DNAH12: variants seen among roughly 807,000 people sequenced by gnomAD.
DNAH12 encodes the protein dynein axonemal heavy chain 12.
In DNAH12, 285 loss-of-function variants were observed where a neutral mutation model predicts 371.5. That is an observed-to-expected ratio of 0.77 (90% CI 0.70 to 0.85). The LOEUF (loss-of-function observed/expected upper bound fraction) is 0.85, where lower values mean the gene tolerates loss of function less well. Among genes scored for constraint, DNAH12 ranks in the 40% least tolerant of loss-of-function variants. DNAH12 has a pLI of 0.00. For missense variants in DNAH12, 3,611 were observed against 3,689.4 expected (o/e 0.98, Z 0.55); for synonymous variants, 1,200 against 1,213.0 (o/e 0.99, Z 0.22).
chr3:57,514,737 C>T (rs2068127223), intron 4 of DNAH12, among the ~76,000 whole-genome samples: 1 of 152,006 alleles, frequency 6.6e-6, no homozygotes, highest in African/African-American at 2.4e-5. Context: ...CAAATGAAAA[C>T]AAACAAACCA....
At chr3:57,513,898 T>C (rs967168255) in intron 4 of DNAH12, among the ~76,000 whole-genome samples, 3 of 152,306 alleles carry the variant, frequency 2.0e-5, no homozygotes, top group African/African-American at 7.2e-5. Flanking sequence ...AGACTACATA[T>C]TGAAGTCCCA....
chr3:57,459,918 T>C (rs1350387092), intron 19 of DNAH12, 132 bp from the exon 20 acceptor site: 1 of 784,114 alleles, frequency 1.3e-6, no homozygotes, highest in South Asian at 6.0e-5. Flanking sequence ...AGGTTACTTA[T>C]GTATGTCTCA....
Position 57,421,556 on chromosome 3 carries a change from A to G in DNAH12, c.5524T>C (p.Phe1842Leu), listed in dbSNP as rs1456317610. 6.4e-7 allele frequency: 1 copy of G among 1,551,642 alleles called. No individual in the cohort carries two copies. The highest frequency in any genetic ancestry group is 1.2e-5 in the South Asian group (1 of 84,066). Residue 1842 changes from phenylalanine to leucine, a missense_variant, in exon 36 of 74, where the codon TTT becomes CTT. Phe to Leu is a conservative substitution (Grantham distance 22). This residue lies in a region of DNAH12 where 2,266 missense variants were observed against 2,236.9 expected (regional missense o/e 1.01). Transcript: ENST00000495027. ...TCATAGACCAGGCCTTTTTCATCAA[A>G]TGGGCATTCCCATTTACCCACAGAA... ...PDSVGKWECP[F>L]DEKGLVYDYM...
Position 57,444,727 on chromosome 3 carries a change from A to G in DNAH12, c.4515T>C (p.Pro1505=). 2 of 1,550,244 alleles carry G rather than the reference A, an allele frequency of 1.3e-6. No individual in the cohort carries two copies. Among genetic ancestry groups the G allele is most frequent in the Non-Finnish European group, 1.7e-6 (2 of 1,146,404 alleles). Residue 1505 remains proline (P), a synonymous_variant, in exon 29 of 74, where the codon CCT becomes CCC. Coordinates refer to ENST00000495027, the MANE Select transcript of DNAH12 (RefSeq NM_001366028.2). ...AGTCAGCTTCAGGAAGTTTAATACCAGGAAATAAGTCACTAGTTATTCCAT... is the reference window on the plus strand; with the variant it reads ...AGTCAGCTTCAGGAAGTTTAATACCGGGAAATAAGTCACTAGTTATTCCAT... The part of the protein sequence containing the change: ...LFNGITSDLF[P]GIKLPEADYH...
intron 60 of DNAH12, among the ~76,000 whole-genome samples, chr3:57,336,038 G>A (rs1285100676): frequency 1.3e-5 from 2 of 152,144 alleles, no homozygotes; most frequent in African/African-American, 4.8e-5. Context: ...TGGAAGTGCA[G>A]TGGCACAATC....
chr3:57,488,937 A>AGTGTGTGTGT (rs34379970), intron 12 of DNAH12, among the ~76,000 whole-genome samples: 25 of 150,116 alleles, frequency 1.7e-4, no homozygotes, highest in Non-Finnish European at 2.5e-4. Context: ...AGAAATCCAA[A>AGTGTGTGTGT]GTGTGTGTGT....
At chr3:57,386,137 G>A (rs940769118) in intron 47 of DNAH12, among the ~76,000 whole-genome samples, 4 of 150,890 alleles carry the variant, frequency 2.7e-5, no homozygotes, top group East Asian at 3.9e-4. Context: ...AATAAAAAGC[G>A]ACCTAAACTT....
intron 43 of DNAH12, among the ~76,000 whole-genome samples, chr3:57,400,202 C>T (rs1358897453): frequency 5.9e-5 from 9 of 152,082 alleles, no homozygotes; most frequent in African/African-American, 2.2e-4. Flanking sequence ...GCATGAGAAT[C>T]GCTTGATCTC....
At chr3:57,396,739 T>C (rs1486561614) in intron 43 of DNAH12, among the ~76,000 whole-genome samples, 11 of 152,250 alleles carry the variant, frequency 7.2e-5, no homozygotes, top group Non-Finnish European at 1.6e-4. Context: ...ACTTGGCTAA[T>C]TTTTGTATTT....
At chr3:57,531,581 G>A (rs2153400461) in intron 2 of DNAH12, among the ~76,000 whole-genome samples, 1 of 151,930 alleles carries the variant, frequency 6.6e-6, no homozygotes, top group South Asian at 2.1e-4. Context: ...GGCCAACATG[G>A]CAAAACCCCA....
chr3:57,473,344 G>A (rs1239122509), intron 13 of DNAH12, among the ~76,000 whole-genome samples: 10 of 152,046 alleles, frequency 6.6e-5, no homozygotes, highest in Admixed American at 6.6e-4. Context: ...AAAATTAGCT[G>A]GGCTTGGTGA....
chr3:57,494,788 C>A (rs1013722993), intron 11 of DNAH12, among the ~76,000 whole-genome samples: 1 of 152,124 alleles, frequency 6.6e-6, no homozygotes, highest in Non-Finnish European at 1.5e-5. Flanking sequence ...GCAGGCAGAT[C>A]GCTTGAGCTC....
intron 39 of DNAH12, among the ~76,000 whole-genome samples, chr3:57,409,290 GTCTA>G (rs2064132810): frequency 6.6e-6 from 1 of 152,138 alleles, no homozygotes; most frequent in Non-Finnish European, 1.5e-5. Context: ...TGGGGTAGGA[GTCTA>G]TCTAGCCAGT....
chr3:57,332,334 C>G (rs1416906576), intron 62 of DNAH12, among the ~76,000 whole-genome samples: 1 of 152,062 alleles, frequency 6.6e-6, no homozygotes, highest in Non-Finnish European at 1.5e-5. Context: ...GTGACATGTA[C>G]AAAATTTTCT....
At chr3:57,331,426 TAG>T (rs1183468928) in intron 62 of DNAH12, among the ~76,000 whole-genome samples, 4 of 152,162 alleles carry the variant, frequency 2.6e-5, no homozygotes, top group Admixed American at 6.5e-5. Flanking sequence ...ACTCTCTAGT[TAG>T]AGTCACTGTG....
chr3:57,376,751 G>C (rs1559598629), intron 53 of DNAH12, among the ~76,000 whole-genome samples: 1 of 152,086 alleles, frequency 6.6e-6, no homozygotes, highest in African/African-American at 2.4e-5. Context: ...TTAAAAAATT[G>C]TTACCATTTG....
intron 4 of DNAH12, among the ~76,000 whole-genome samples, chr3:57,521,491 CT>C (rs1167288040): frequency 6.6e-6 from 1 of 151,872 alleles, no homozygotes; most frequent in Non-Finnish European, 1.5e-5. Context: ...AGAGAGACCC[CT>C]GTCTCTAAAA....
chr3:57,333,789 A>AT (rs2062162442), intron 62 of DNAH12, among the ~76,000 whole-genome samples: 1 of 152,204 alleles, frequency 6.6e-6, no homozygotes, highest in Admixed American at 6.5e-5. Flanking sequence ...ACTCATCAAC[A>AT]ATGTGATATT....
chr3:57,507,980 A>C, intron 7 of DNAH12, 142 bp from the exon 8 acceptor site: 1 of 675,364 alleles, frequency 1.5e-6, no homozygotes, highest in Non-Finnish European at 2.3e-6. Flanking sequence ...CGAGGTCAGG[A>C]GTTCAAGACC....
Sources: allele counts gnomAD v4.1 joint callset (sites outside exome capture counted in the v4.1 genomes callset), GRCh38; gene constraint gnomAD v4.1.1; regional missense constraint gnomAD v4.1.1; transcripts MANE v1.5; gene names NCBI Gene and HGNC (gene_info 2026-07-23, HGNC 2026-07-21).